PPP4R3B: variants seen among roughly 807,000 people sequenced by gnomAD.
PPP4R3B encodes serine/threonine-protein phosphatase 4 regulatory subunit 3B.
Under a neutral mutation model 95.4 loss-of-function variants are expected in PPP4R3B, and 52 were observed. The ratio of observed to expected loss-of-function variants is 0.54; its 90% CI spans 0.44 to 0.69. PPP4R3B has a LOEUF of 0.69. PPP4R3B is among the 30% of genes least tolerant of loss of function. PPP4R3B has a pLI of 0.00. For missense variants in PPP4R3B, 1,003 were observed against 1,005.9 expected (o/e 1.00, Z 0.04); for synonymous variants, 407 against 343.9 (o/e 1.18, Z -2.03).
chr2:55,570,769 G>A (rs902745386), intron 12 of PPP4R3B, among the ~76,000 whole-genome samples: 2 of 152,176 alleles, frequency 1.3e-5, no homozygotes, highest in Admixed American at 1.3e-4. Context: ...GGCCACATAA[G>A]GTATAAATGT....
In PPP4R3B at chr2:55,548,925, C is replaced by T. The variant is rs1250903860; in HGVS notation, c.*986G>A. The T allele has an allele frequency of 6.6e-6, 1 of 152,588 alleles. No homozygotes were observed. The highest frequency in any genetic ancestry group is 1.5e-5 in the Non-Finnish European group (1 of 68,038). 9.5% of individuals were successfully genotyped at this position (152,588 alleles called of 1,614,324 possible). On this transcript the variant is annotated 3_prime_UTR_variant, in exon 17 of 17. Transcript: ENST00000616407. ...TATCACACCCTTGTTTACAGAAAAG[C>T]TACATGTGCTGCATGCTGACTTTGA...
At chr2:55,579,918 T>C (rs1689217085) in intron 8 of PPP4R3B, 137 bp from the exon 9 acceptor site, 1 of 416,666 alleles carries the variant, frequency 2.4e-6, no homozygotes, top group African/African-American at 2.2e-5. Flanking sequence ...AAGCAGATAC[T>C]TTAAAATACT....
At chr2:55,602,674 G>C (rs1692791961) in intron 3 of PPP4R3B, among the ~76,000 whole-genome samples, 1 of 152,196 alleles carries the variant, frequency 6.6e-6, no homozygotes, top group African/African-American at 2.4e-5. Flanking sequence ...ATATATCACT[G>C]CTGGGAGAAG....
intron 16 of PPP4R3B, among the ~76,000 whole-genome samples, chr2:55,553,661 G>A (rs961791552): frequency 2.6e-5 from 4 of 151,492 alleles, no homozygotes; most frequent in South Asian, 2.1e-4. Context: ...TTGTTTCTGC[G>A]GATTTGCTTA....
At chr2:55,595,111 G>A (rs940131335) in intron 4 of PPP4R3B, among the ~76,000 whole-genome samples, 9 of 148,212 alleles carry the variant, frequency 6.1e-5, no homozygotes, top group African/African-American at 1.7e-4. Flanking sequence ...TGCAACCTCC[G>A]CCTCTCGGTT....
chr2:55,589,848 G>A (rs1346678782), intron 4 of PPP4R3B, among the ~76,000 whole-genome samples: 1 of 148,742 alleles, frequency 6.7e-6, no homozygotes, highest in Middle Eastern at 3.6e-3. Flanking sequence ...CCCGGGAGGG[G>A]GAGCTTGCAG....
At chr2:55,586,075 G>C (rs978129814) in intron 6 of PPP4R3B, among the ~76,000 whole-genome samples, 2 of 151,934 alleles carry the variant, frequency 1.3e-5, no homozygotes, top group African/African-American at 2.4e-5. Flanking sequence ...TAAATTTTTT[G>C]TTTTGAAAAA....
intron 6 of PPP4R3B, among the ~76,000 whole-genome samples, chr2:55,585,599 TC>T (rs1208934429): frequency 4.6e-5 from 7 of 152,202 alleles, no homozygotes; most frequent in African/African-American, 1.7e-4. Flanking sequence ...TGTTTCTATT[TC>T]CTGTGACTCA....
intron 3 of PPP4R3B, among the ~76,000 whole-genome samples, chr2:55,602,300 A>AAGAGAG (rs1692729124): frequency 6.6e-6 from 1 of 152,176 alleles, no homozygotes; most frequent in Non-Finnish European, 1.5e-5. Context: ...CACAAATATG[A>AAGAGAG]TCATTTTGGT....
intron 16 of PPP4R3B, among the ~76,000 whole-genome samples, chr2:55,554,558 C>T (rs995853286): frequency 6.6e-6 from 1 of 152,194 alleles, no homozygotes; most frequent in Non-Finnish European, 1.5e-5. Flanking sequence ...ATCTTCTTTG[C>T]AGAAATGTCT....
intron 16 of PPP4R3B, among the ~76,000 whole-genome samples, chr2:55,557,503 A>G (rs1686008015): frequency 6.6e-6 from 1 of 152,236 alleles, no homozygotes; most frequent in Non-Finnish European, 1.5e-5. Flanking sequence ...GTAGTGTCAC[A>G]ATATTACTCT....
At chr2:55,599,958 A>G (rs1360903283) in intron 3 of PPP4R3B, among the ~76,000 whole-genome samples, 1 of 152,192 alleles carries the variant, frequency 6.6e-6, no homozygotes, top group Non-Finnish European at 1.5e-5. Context: ...TAACATTTCC[A>G]TATGTACTTC....
intron 9 of PPP4R3B, among the ~76,000 whole-genome samples, chr2:55,579,177 C>T (rs10496050): frequency 0.45 from 67,950 of 151,886 alleles, 16,060 homozygotes; most frequent in Non-Finnish European, 0.52. Context: ...GTGCCGATTA[C>T]ATAAGAAAGA....
rs190909148 is a variant in PPP4R3B, at chr2:55,547,850, G to A, written c.*2061C>T. ...AGAGAATTGCTTGAACCCAGGTGGC[G>A]GATGTTGCAATAAGCCGAAATCGTG... On this transcript the variant is annotated 3_prime_UTR_variant, in exon 17 of 17. Transcript: ENST00000616407. 3.8e-3 allele frequency: 585 copies of A among 152,256 alleles called. 1 individual carries two copies. The highest frequency in any genetic ancestry group is 0.013 in the African/African-American group (554 of 41,538). The allele number at this position is 152,256 out of a possible 1,614,324, so 9.4% of individuals were successfully genotyped here. A position where few individuals can be genotyped will look rare whatever the true frequency, so the allele number is the denominator to read the frequency against.
chr2:55,551,350 AAAAC>A (rs1248580742), intron 16 of PPP4R3B, among the ~76,000 whole-genome samples: 2 of 151,998 alleles, frequency 1.3e-5, no homozygotes, highest in Non-Finnish European at 2.9e-5. Context: ...AACAAAAAGA[AAAAC>A]AAAAAAAAAC....
intron 1 of PPP4R3B, among the ~76,000 whole-genome samples, chr2:55,616,282 TAAG>T (rs1369553391): frequency 2.0e-5 from 3 of 152,142 alleles, no homozygotes; most frequent in Non-Finnish European, 4.4e-5. Context: ...CTTTCCTCAT[TAAG>T]AACAAAAGAA....
chr2:55,566,396 C>G (rs1490407826), intron 13 of PPP4R3B, among the ~76,000 whole-genome samples: 1 of 152,100 alleles, frequency 6.6e-6, no homozygotes, highest in Non-Finnish European at 1.5e-5. Flanking sequence ...GTTGTAAACT[C>G]TACCATTTGC....
rs144525591 is a variant in PPP4R3B, at chr2:55,572,523, C to T, written c.1765+1096G>A. On this transcript the variant is annotated intron_variant, in intron 12 of 16. Coordinates refer to ENST00000616407, the MANE Select transcript of PPP4R3B (RefSeq NM_001122964.3). ...GCAAATTAGAATAACAATGAGATAC[C>T]ACATTTTTCAGTATCAGATTGATAA... is the stretch of plus-strand genomic sequence containing the variant. Among the ~76,000 whole-genome samples the T allele has an allele frequency of 1.1e-3, 165 of 152,072 alleles. 1 individual carries two copies. Among genetic ancestry groups the T allele is most frequent in the Admixed American group, 2.0e-3 (31 of 15,282 alleles).
chr2:55,617,455 G>A lies in PPP4R3B; in HGVS notation c.-170C>T, dbSNP rs373034794. ...GTTCAGCCGCGAGAAGGGGTGACAA[G>A]AGCCACTGAGGCCTCTCCGCCCGGA... On this transcript the variant is annotated 5_prime_UTR_variant, in exon 1 of 17. Coordinates refer to ENST00000616407, the MANE Select transcript of PPP4R3B (RefSeq NM_001122964.3). 44 of 716,218 alleles carry A rather than the reference G, an allele frequency of 6.1e-5. No individual in the cohort carries two copies. Among genetic ancestry groups the A allele is most frequent in the African/African-American group, 4.0e-4 (22 of 55,480 alleles). The allele number at this position is 716,218 out of a possible 1,614,324, so 44.4% of individuals were successfully genotyped here.
Sources: allele counts gnomAD v4.1 joint callset (sites outside exome capture counted in the v4.1 genomes callset), GRCh38; gene constraint gnomAD v4.1.1; transcripts MANE v1.5; gene names NCBI Gene and HGNC (gene_info 2026-07-23, HGNC 2026-07-21).